EMCN: variants seen among roughly 807,000 people sequenced by gnomAD.
The protein encoded by EMCN is MUC-14.
Under a neutral mutation model 38.4 loss-of-function variants are expected in EMCN, and 37 were observed. That is an observed-to-expected ratio of 0.96 (90% CI 0.74 to 1.27). EMCN has a LOEUF of 1.27. Among genes scored for constraint, EMCN ranks in the 50% most tolerant of loss-of-function variants. The probability of loss-of-function intolerance (pLI) is 0.00; values close to 1 mark genes in which losing one functional copy is unlikely to be tolerated. For synonymous variants in EMCN, 95 were observed against 100.8 expected, an observed-to-expected ratio of 0.94 and a Z score of 0.35; for missense variants, 318 against 302.8, an observed-to-expected ratio of 1.05 and a Z score of -0.37.
intron 3 of EMCN, among the ~76,000 whole-genome samples, chr4:100,472,733 C>T (rs1578216422): frequency 1.3e-5 from 2 of 151,716 alleles, no homozygotes; most frequent in African/African-American, 4.8e-5. Context: ...AAACTTAATA[C>T]GAAGTAATAG....
intron 1 of EMCN, chr4:100,483,423 A>G (rs948960710): frequency 1.3e-5 from 2 of 152,164 alleles, no homozygotes; most frequent in African/African-American, 4.8e-5. Context: ...AGGGTGTGAT[A>G]GTGACTAGGC....
chr4:100,423,181 A>G (rs765155216), intron 6 of EMCN, 101 bp from the exon 7 acceptor site: 9 of 1,355,042 alleles, frequency 6.6e-6, no homozygotes, highest in Non-Finnish European at 9.5e-6. Flanking sequence ...ATTTGTAGGT[A>G]TGATGCTGCA....
In EMCN at chr4:100,416,080, G is replaced by GTA. The variant is rs889410689; in HGVS notation, c.690-123_690-122dup. 58 of 542,146 alleles carry GTA rather than the reference G, an allele frequency of 1.1e-4. 1 individual carries two copies. Among genetic ancestry groups the GTA allele is most frequent in the South Asian group, 1.3e-4 (5 of 38,044 alleles). The allele number at this position is 542,146 out of a possible 1,614,324, so 33.6% of individuals were successfully genotyped here. On this transcript the variant is annotated intron_variant, in intron 9 of 11. Coordinates refer to ENST00000296420, the MANE Select transcript of EMCN (RefSeq NM_016242.4). ...ATGCATATATATATATAATGTGTGT[G>GTA]TATATATATACGTGTGTGTGTGTGT...
At chr4:100,420,114 T>A (rs1454298853) in intron 8 of EMCN, among the ~76,000 whole-genome samples, 1 of 152,126 alleles carries the variant, frequency 6.6e-6, no homozygotes, top group East Asian at 1.9e-4. Flanking sequence ...CCTTTAAAAA[T>A]GTAACTCAAT....
intron 5 of EMCN, among the ~76,000 whole-genome samples, chr4:100,443,818 C>T (rs1289200326): frequency 6.6e-6 from 1 of 152,188 alleles, no homozygotes; most frequent in Non-Finnish European, 1.5e-5. Context: ...GGTTGTGACC[C>T]TGGTGGACAT....
intron 1 of EMCN, among the ~76,000 whole-genome samples, chr4:100,504,643 C>CG: frequency 6.6e-6 from 1 of 152,288 alleles, no homozygotes. Flanking sequence ...CTGTTATGCC[C>CG]GGACAGGGCC....
At chr4:100,458,655 C>T (rs1728083855) in intron 4 of EMCN, among the ~76,000 whole-genome samples, 1 of 152,118 alleles carries the variant, frequency 6.6e-6, no homozygotes, top group African/African-American at 2.4e-5. Flanking sequence ...GACCTAAAGT[C>T]AGAAGGCCTA....
At chr4:100,516,923 T>C (rs1287835156) in intron 1 of EMCN, among the ~76,000 whole-genome samples, 1 of 152,074 alleles carries the variant, frequency 6.6e-6, no homozygotes, top group Non-Finnish European at 1.5e-5. Context: ...TTTATGGTAG[T>C]TTGTTCTTCA....
chr4:100,438,778 G>GT (rs996147744), intron 5 of EMCN, among the ~76,000 whole-genome samples: 67 of 147,774 alleles, frequency 4.5e-4, no homozygotes, highest in South Asian at 1.9e-3. Flanking sequence ...ACTGTTGAGA[G>GT]TTTTTTTTTT....
At chr4:100,509,137 A>C (rs1467080016) in intron 1 of EMCN, among the ~76,000 whole-genome samples, 2 of 152,206 alleles carry the variant, frequency 1.3e-5, no homozygotes, top group Non-Finnish European at 2.9e-5. Flanking sequence ...AACACACACA[A>C]AAATAGTCAC....
intron 8 of EMCN, among the ~76,000 whole-genome samples, chr4:100,418,713 A>G (rs1466903504): frequency 6.6e-6 from 1 of 152,154 alleles, no homozygotes; most frequent in Non-Finnish European, 1.5e-5. Context: ...GTTGCAAATG[A>G]CAGGATCTCA....
chr4:100,491,399 G>C (rs1419153209), intron 1 of EMCN, among the ~76,000 whole-genome samples: 1 of 152,146 alleles, frequency 6.6e-6, no homozygotes, highest in African/African-American at 2.4e-5. Context: ...CCAAGGGAGG[G>C]AGATGACCAT....
intron 5 of EMCN, among the ~76,000 whole-genome samples, chr4:100,433,708 G>T (rs576734588): frequency 9.2e-5 from 14 of 151,754 alleles, no homozygotes; most frequent in Non-Finnish European, 1.3e-4. Flanking sequence ...GCCAATTTTT[G>T]TATTTTTAGT....
intron 9 of EMCN, 97 bp downstream of exon 9, chr4:100,417,020 A>G (rs1726754945): frequency 2.4e-6 from 3 of 1,248,670 alleles, no homozygotes; most frequent in Non-Finnish European, 3.5e-6. Context: ...GATTTTCTAC[A>G]CTTTAGAAAT....
Position 100,410,360 on chromosome 4 carries a change from G to A in EMCN, c.752-5C>T. The A allele has an allele frequency of 1.9e-6, 3 of 1,613,456 alleles. No individual in the cohort carries two copies. The highest frequency in any genetic ancestry group is 1.7e-6 in the Non-Finnish European group (2 of 1,179,478). On this transcript the variant is annotated splice_polypyrimidine_tract_variant and splice_region_variant and intron_variant, in intron 10 of 11. Coordinates refer to ENST00000296420, the MANE Select transcript of EMCN (RefSeq NM_016242.4). ...TTCCTTGTGCAGAGTGCTCACCTGAGAACAGAAGATATGTTTTGATCTGTA... is the reference window on the plus strand; with the variant it reads ...TTCCTTGTGCAGAGTGCTCACCTGAAAACAGAAGATATGTTTTGATCTGTA...
Position 100,395,632 on chromosome 4 carries a change from A to G in EMCN, c.*2781T>C, listed in dbSNP as rs1726101234. On this transcript the variant is annotated 3_prime_UTR_variant, in exon 12 of 12. Coordinates refer to ENST00000296420, the MANE Select transcript of EMCN (RefSeq NM_016242.4). ...CTTGAATGACCACAAGTAGAGCTCA[A>G]CAGAGAATAATCAGGCAAAAAATCA... is the stretch of plus-strand genomic sequence containing the variant. 6.6e-6 allele frequency: 1 copy of G among 152,196 alleles called. No homozygotes were observed. Among genetic ancestry groups the G allele is most frequent in the African/African-American group, 2.4e-5 (1 of 41,474 alleles). The allele number at this position is 152,196 out of a possible 1,614,324, so 9.4% of individuals were successfully genotyped here.
At chr4:100,500,188 T>A (rs1181104556) in intron 1 of EMCN, among the ~76,000 whole-genome samples, 1 of 152,190 alleles carries the variant, frequency 6.6e-6, no homozygotes, top group Admixed American at 6.5e-5. Context: ...CTTAAGATTT[T>A]TGAATTAAAT....
At chr4:100,409,525 T>G (rs1292130659) in intron 11 of EMCN, among the ~76,000 whole-genome samples, 1 of 152,218 alleles carries the variant, frequency 6.6e-6, no homozygotes, top group East Asian at 1.9e-4. Flanking sequence ...TTTCCATTTT[T>G]TATTGATTCA....
chr4:100,424,269 C>T (rs145705313), intron 5 of EMCN, among the ~76,000 whole-genome samples: 12 of 152,182 alleles, frequency 7.9e-5, no homozygotes, highest in Non-Finnish European at 1.8e-4. Context: ...TTCTCTTCCT[C>T]GTGCAGTATG....
Sources: allele counts gnomAD v4.1 joint callset (sites outside exome capture counted in the v4.1 genomes callset), GRCh38; gene constraint gnomAD v4.1.1; transcripts MANE v1.5; gene names NCBI Gene and HGNC (gene_info 2026-07-23, HGNC 2026-07-21).